Variants in ANKLE2 observed in about 807,000 individuals in gnomAD.
ANKLE2 encodes ankyrin repeat and LEM domain containing 2, also known as ankyrin repeat and LEM domain-containing protein 2.
A neutral mutation model predicts 84.2 loss-of-function variants in ANKLE2; 55 were observed. That is an observed-to-expected ratio of 0.65 (90% CI 0.53 to 0.82). ANKLE2 has a LOEUF of 0.82. ANKLE2 is among the 40% of genes least tolerant of loss of function. The pLI, the probability that ANKLE2 is intolerant of heterozygous loss-of-function variation, is 0.00. For missense variants in ANKLE2, 1,238 were observed against 1,201.9 expected, an observed-to-expected ratio of 1.03 and a Z score of -0.44; for synonymous variants, 551 against 486.1, an observed-to-expected ratio of 1.13 and a Z score of -1.76.
At chr12:132,728,734 C>A (rs2043761994) in intron 11 of ANKLE2, among the ~76,000 whole-genome samples, 1 of 152,186 alleles carries the variant, frequency 6.6e-6, no homozygotes, top group Admixed American at 6.5e-5. Context: ...GGAGGAGTCG[C>A]CTCTGGGTGC....
chr12:132,732,673 T>C (rs1314979003), intron 10 of ANKLE2, among the ~76,000 whole-genome samples: 2 of 109,474 alleles, frequency 1.8e-5, no homozygotes, highest in Non-Finnish European at 3.9e-5. Flanking sequence ...ATACGCACCG[T>C]GTGAAGCTCT....
chr12:132,727,320 G>A lies in ANKLE2; in HGVS notation c.2739C>T (p.Gly913=). Reference sequence around the variant, plus strand: ...GCACGGGGCTGTAGCGCCCAGGACTGCCCAGGCCTGGCTTTGCGGGGTTGC... The same window carrying A: ...GCACGGGGCTGTAGCGCCCAGGACTACCCAGGCCTGGCTTTGCGGGGTTGC... The part of the protein sequence containing the change: ...AGSNPAKPGL[G]SPGRYSPVHG... Residue 913 remains glycine, a synonymous_variant, in exon 13 of 13, where the codon GGC becomes GGT. Coordinates refer to ENST00000357997, the MANE Select transcript of ANKLE2 (RefSeq NM_015114.3). 2.6e-6 allele frequency: 4 copies of A among 1,563,078 alleles called. No homozygotes were observed. The highest frequency in any genetic ancestry group is 2.6e-6 in the Non-Finnish European group (3 of 1,154,248).
intron 3 of ANKLE2, among the ~76,000 whole-genome samples, chr12:132,750,350 T>C (rs1032031034): frequency 2.6e-5 from 4 of 151,532 alleles, no homozygotes; most frequent in Admixed American, 6.6e-5. Context: ...AGCACCAGAC[T>C]GCACTCCAGG....
intron 9 of ANKLE2, 23 bp from the exon 10 acceptor site, chr12:132,734,598 A>C (rs1161339817): frequency 6.3e-7 from 1 of 1,584,850 alleles, no homozygotes; most frequent in African/African-American, 1.4e-5. Flanking sequence ...AAACACAATT[A>C]ACCAGCTGTG....
chr12:132,747,868 G>C lies in ANKLE2; in HGVS notation c.1194C>G (p.Tyr398Ter), dbSNP rs553392569. The C allele has an allele frequency of 6.2e-7, 1 of 1,610,778 alleles. No individual in the cohort carries two copies. The highest frequency in any genetic ancestry group is 1.3e-5 in the African/African-American group (1 of 74,720). Reference protein sequence around the residue: ...DEAMLQKRIRYVVDLYLNTPD... With the variant: ...DEAMLQKRIR ...GGGTGTTGAGGTACAGGTCCACCACGTAACGGATACGCTTCTGCAGCATGG... is the reference window on the plus strand; with the variant it reads ...GGGTGTTGAGGTACAGGTCCACCACCTAACGGATACGCTTCTGCAGCATGG... The change falls in exon 5 of 13, where the codon TAC (tyrosine) becomes TAG (stop). Residue 398 changes from tyrosine to a stop codon, truncating the protein, a stop_gained. Transcript: ENST00000357997. LOFTEE classifies it high-confidence loss of function.
intron 7 of ANKLE2, among the ~76,000 whole-genome samples, chr12:132,740,824 C>CTCCCAGAGGCGAGTGGGGAGGGAACG (rs1566022272): frequency 2.5e-5 from 2 of 78,556 alleles, no homozygotes; most frequent in South Asian, 9.5e-4. Context: ...AAAGGCCTCT[C>CTCCCAGAGGCGAGTGGGGAGGGAACG]TCCCAGAGGC....
In ANKLE2 at chr12:132,761,690, G is replaced by C. The variant is rs1233913710; in HGVS notation, c.109C>G (p.Pro37Ala). Reference sequence around the variant, plus strand: ...CTGCGGCCCAGACCTCCCGGCCGCGGGCCCAGCCGCCGCACCAGCCACCGC... The same window carrying C: ...CTGCGGCCCAGACCTCCCGGCCGCGCGCCCAGCCGCCGCACCAGCCACCGC... ...AVRWLVRRLG[P>A]RPGGLGRSGT... The change falls in exon 1 of 13, where the codon CCG becomes GCG. Residue 37 changes from proline to alanine, a missense_variant. Around this residue, in one of 3 missense-constraint regions of ANKLE2, gnomAD observed 422 missense variants for 394.5 expected, o/e 1.07. Coordinates refer to ENST00000357997, the MANE Select transcript of ANKLE2 (RefSeq NM_015114.3). 3.0e-6 allele frequency: 4 copies of C among 1,347,732 alleles called. No homozygotes were observed. The highest frequency in any genetic ancestry group is 2.8e-4 in the Middle Eastern group (1 of 3,632). 83.5% of individuals were successfully genotyped at this position (1,347,732 alleles called of 1,614,324 possible).
In ANKLE2 at chr12:132,735,386, G is replaced by T. The variant is rs374156367; in HGVS notation, c.1700+20C>A. On this transcript the variant is annotated intron_variant, in intron 9 of 12. Coordinates refer to ENST00000357997, the MANE Select transcript of ANKLE2 (RefSeq NM_015114.3). The stretch of plus-strand genomic sequence containing the variant: ...AACCAACTGTGTGCCCCACGCTGCT[G>T]CGGCTCAGCCTTTCAGTACCTTCCC... 1.2e-5 allele frequency: 19 copies of T among 1,607,806 alleles called. No individual in the cohort carries two copies. Among genetic ancestry groups the T allele is most frequent in the Non-Finnish European group, 1.6e-5 (19 of 1,174,400 alleles).
rs950735152 is a variant in ANKLE2 at position 132,730,292 on chromosome 12, C to T, written c.1892-22G>A. On this transcript the variant is annotated intron_variant, in intron 10 of 12. Coordinates refer to ENST00000357997, the MANE Select transcript of ANKLE2 (RefSeq NM_015114.3). ...CTGCCTGTGAGGACAACAAGGAGCA[C>T]TTCAGTGATGGGAACGACAGGAAGC... 3 of 1,530,830 alleles carry T rather than the reference C, an allele frequency of 2.0e-6. No homozygotes were observed. In the African/African-American group the frequency reaches 4.1e-5, roughly 21 times the overall value. 94.8% of individuals were successfully genotyped at this position (1,530,830 alleles called of 1,614,324 possible).
At chr12:132,754,601 C>T in intron 2 of ANKLE2, 74 bp downstream of exon 2, 1 of 1,430,604 alleles carries the variant, frequency 7.0e-7, no homozygotes, top group Non-Finnish European at 9.4e-7. Context: ...TGTAGTTTTC[C>T]ATTTTCAGAC....
chr12:132,761,819 C>G lies in ANKLE2; in HGVS notation c.-21G>C. 1 of 1,017,180 alleles carries G rather than the reference C, an allele frequency of 9.8e-7. No individual in the cohort carries two copies. Among genetic ancestry groups the G allele is most frequent in the African/African-American group, 1.7e-5 (1 of 57,524 alleles). The allele number at this position is 1,017,180 out of a possible 1,614,324, so 63.0% of individuals were successfully genotyped here. On this transcript the variant is annotated 5_prime_UTR_variant, in exon 1 of 13. Transcript: ENST00000357997. ...AGCATCGCCGCCGCCCGGGCCGCAGCCGCCGAGAAGCCCGCGCCCCGCGCC... is the reference window on the plus strand; with the variant it reads ...AGCATCGCCGCCGCCCGGGCCGCAGGCGCCGAGAAGCCCGCGCCCCGCGCC...
chr12:132,744,675 G>C lies in ANKLE2; in HGVS notation c.1231-1399C>G, dbSNP rs571727310. ...AGCTTTCTTGGACAAGGACCAGATAGTAAGCACTATAGACTTTTTTTTTGA... is the reference window on the plus strand; with the variant it reads ...AGCTTTCTTGGACAAGGACCAGATACTAAGCACTATAGACTTTTTTTTTGA... On this transcript the variant is annotated intron_variant, in intron 5 of 12. Coordinates refer to ENST00000357997, the MANE Select transcript of ANKLE2 (RefSeq NM_015114.3). Among the ~76,000 whole-genome samples, 4 of 152,256 alleles carry C rather than the reference G, an allele frequency of 2.6e-5. No homozygotes were observed. In the South Asian group the frequency reaches 6.2e-4, roughly 24 times the overall value.
In ANKLE2 at chr12:132,727,398, T is replaced by C. The variant is rs1293885663; in HGVS notation, c.2661A>G (p.Pro887=). The C allele has an allele frequency of 2.6e-6, 4 of 1,561,510 alleles. No homozygotes were observed. The highest frequency in any genetic ancestry group is 1.2e-5 in the South Asian group (1 of 84,758). The change falls in exon 13 of 13, where the codon CCA becomes CCG. Residue 887 remains proline (P), a synonymous_variant. Transcript: ENST00000357997. ...AVKGRFKSQL[P]DLSGPHSYSP... ...TGTAGCTGTGAGGGCCACTGAGATC[T>C]GGCAGCTGAGACTTGAACCTTCCTT...
Position 132,734,518 on chromosome 12 carries a change from A to G in ANKLE2, c.1758T>C (p.Cys586=), listed in dbSNP as rs1166914412. The part of the protein sequence containing the change: ...PWVEYWEFLG[C]FVDLSSQEGL... ...CTTCCTGGGAAGACAGATCAACAAAACAGCCCAGAAATTCCCAGTATTCAA... is the reference window on the plus strand; with the variant it reads ...CTTCCTGGGAAGACAGATCAACAAAGCAGCCCAGAAATTCCCAGTATTCAA... Residue 586 remains cysteine (C), a synonymous_variant, in exon 10 of 13, where the codon TGT becomes TGC. Coordinates refer to ENST00000357997, the MANE Select transcript of ANKLE2 (RefSeq NM_015114.3). 1 of 1,613,954 alleles carries G rather than the reference A, an allele frequency of 6.2e-7. No homozygotes were observed. Among genetic ancestry groups the G allele is most frequent in the Non-Finnish European group, 8.5e-7 (1 of 1,180,018 alleles).
At chr12:132,760,329 A>C (rs2044599902) in intron 1 of ANKLE2, 1 of 152,132 alleles carries the variant, frequency 6.6e-6, no homozygotes, top group South Asian at 2.1e-4. Flanking sequence ...TTTTCTCCCC[A>C]CAAATCACGC....
Position 132,761,732 on chromosome 12 carries a change from C to A in ANKLE2, c.67G>T (p.Val23Leu). The change falls in exon 1 of 13, where the codon GTG (valine) becomes TTG (leucine). Residue 23 changes from valine to leucine, a missense_variant. Physicochemically the swap from Val to Leu is conservative, Grantham distance 32 (BLOSUM62 1). Transcript: ENST00000357997. ...ALAWELLGAS[V>L]LLIAVRWLVR... ...AGCCACCGCACAGCGATCAGCAGCA[C>A]CGAGGCGCCCAGCAGCTCCCAGGCC... The A allele has an allele frequency of 7.6e-7, 1 of 1,320,636 alleles. No homozygotes were observed. Among genetic ancestry groups the A allele is most frequent in the South Asian group, 1.9e-5 (1 of 53,094 alleles). The allele number at this position is 1,320,636 out of a possible 1,614,324, so 81.8% of individuals were successfully genotyped here.
chr12:132,736,302 C>T (rs552983404), intron 8 of ANKLE2, among the ~76,000 whole-genome samples: 12 of 152,312 alleles, frequency 7.9e-5, no homozygotes, highest in Admixed American at 2.6e-4. Flanking sequence ...CAGGATGGTG[C>T]GTGCAGGTCA....
In ANKLE2 at chr12:132,728,564, A is replaced by T. The variant is rs551785008; in HGVS notation, c.2484-401T>A. Among the ~76,000 whole-genome samples, 12 of 152,358 alleles carry T rather than the reference A, an allele frequency of 7.9e-5. No homozygotes were observed. The South Asian group carries it at 2.5e-3, about 32-fold the overall frequency. On this transcript the variant is annotated intron_variant, in intron 11 of 12. Transcript: ENST00000357997. ...CATTTTAAACTCAAGAACCCAGCAC[A>T]CAAAACAACAGTGTGCAAGGATCGA... is the stretch of plus-strand genomic sequence containing the variant.
chr12:132,731,998 C>T (rs900850152), intron 10 of ANKLE2: 4 of 149,598 alleles, frequency 2.7e-5, no homozygotes, highest in African/African-American at 1.0e-4. Flanking sequence ...GTGAAGCGCT[C>T]TGCGTCCTGG....
Sources: gnomAD v4.1 joint callset for allele counts (sites outside exome capture counted in the v4.1 genomes callset) on GRCh38, gnomAD v4.1.1 for gene constraint, gnomAD v4.1.1 regional missense constraint, MANE v1.5 for transcripts, NCBI Gene and HGNC (gene_info 2026-07-23, HGNC 2026-07-21) for gene names.